The following SORL1 variants were observed in gnomAD, a reference collection of about 807,000 sequenced individuals.
SORL1 encodes sortilin related receptor 1.
Under a neutral mutation model 273.7 loss-of-function variants are expected in SORL1, and 127 were observed. The observed-to-expected ratio is 0.46, with a 90% CI of 0.40 to 0.54. The LOEUF (loss-of-function observed/expected upper bound fraction) is 0.54. SORL1 is among the 20% of genes least tolerant of loss of function. The probability of loss-of-function intolerance (pLI) is 0.00; values close to 1 mark genes in which losing one functional copy is unlikely to be tolerated. For synonymous variants in SORL1, 1,031 were observed against 1,067.4 expected, an observed-to-expected ratio of 0.97 and a Z score of 0.66; for missense variants, 2,494 against 2,846.1, an observed-to-expected ratio of 0.88 and a Z score of 2.81.
intron 22 of SORL1, among the ~76,000 whole-genome samples, chr11:121,569,381 G>A (rs553492875): frequency 1.2e-4 from 19 of 152,320 alleles, no homozygotes; most frequent in Non-Finnish European, 1.8e-4. Flanking sequence ...CCGGTGAGCC[G>A]GGCGGAACAG....
chr11:121,604,299 C>T lies in SORL1; in HGVS notation c.4626C>T (p.Asp1542=), dbSNP rs780332621. 1.3e-5 allele frequency: 21 copies of T among 1,613,636 alleles called. No individual in the cohort carries two copies. Among genetic ancestry groups the T allele is most frequent in the East Asian group, 6.7e-5 (3 of 44,886 alleles). The part of the protein sequence containing the change: ...ERCDGFLDCS[D]ESDEKACSDE... Reference sequence around the variant, plus strand: ...GCGACGGCTTCCTGGACTGCTCGGACGAGAGCGATGAAAAGGCCTGCAGTG... The same window carrying T: ...GCGACGGCTTCCTGGACTGCTCGGATGAGAGCGATGAAAAGGCCTGCAGTG... The change falls in exon 33 of 48, where the codon GAC becomes GAT. Residue 1542 remains aspartate (D), a synonymous_variant. Transcript: ENST00000260197.
intron 43 of SORL1, 128 bp downstream of exon 43, chr11:121,620,045 C>G (rs995098123): frequency 1.1e-5 from 8 of 735,574 alleles, no homozygotes; most frequent in African/African-American, 3.5e-5. Flanking sequence ...CAGGAGGTCT[C>G]TCTCCCATTT....
chr11:121,539,334 C>T (rs1190615700), intron 12 of SORL1, among the ~76,000 whole-genome samples: 1 of 152,204 alleles, frequency 6.6e-6, no homozygotes, highest in Non-Finnish European at 1.5e-5. Context: ...TCCTTTTCGT[C>T]TGAGTGCTCT....
Position 121,558,799 on chromosome 11 carries a change from G to C in SORL1, c.2872G>C (p.Asp958His), listed in dbSNP as rs749007611. The change falls in exon 20 of 48, where the codon GAC becomes CAC. Residue 958 changes from aspartate (D) to histidine (H), a missense_variant. Physicochemically the swap from Asp to His is moderately conservative, Grantham distance 81. This residue lies in a region of SORL1 where 1,609 missense variants were observed against 1,816.4 expected (regional missense o/e 0.89). Coordinates refer to ENST00000260197, the MANE Select transcript of SORL1 (RefSeq NM_003105.6). ...FSGQQRSVILDNLPHPYAIAV... is the reference protein window; with the variant it reads ...FSGQQRSVILHNLPHPYAIAV... ...TGGCCAGCAGCGCTCTGTCATTCTGGACAACCTCCCGCACCCCTATGCCAT... is the reference window on the plus strand; with the variant it reads ...TGGCCAGCAGCGCTCTGTCATTCTGCACAACCTCCCGCACCCCTATGCCAT... 7 of 1,614,014 alleles carry C rather than the reference G, an allele frequency of 4.3e-6. No individual in the cohort carries two copies. The highest frequency in any genetic ancestry group is 5.9e-6 in the Non-Finnish European group (7 of 1,180,026).
intron 11 of SORL1, among the ~76,000 whole-genome samples, chr11:121,526,284 A>G (rs530865359): frequency 1.3e-5 from 2 of 152,042 alleles, no homozygotes; most frequent in Admixed American, 6.5e-5. Context: ...TTTTAGGCCA[A>G]TTGGGTCTAT....
chr11:121,528,451 C>T lies in SORL1; in HGVS notation c.1597-4013C>T, dbSNP rs117999152. On this transcript the variant is annotated intron_variant, in intron 11 of 47. Coordinates refer to ENST00000260197, the MANE Select transcript of SORL1 (RefSeq NM_003105.6). ...TCCAGCCTGGGTGACAGAGCAAGAC[C>T]GGGTCTCAAAAAAATAAAAAAACAG... 2.2e-3 allele frequency among the ~76,000 whole-genome samples: 328 copies of T among 151,910 alleles called. 1 individual carries two copies. The highest frequency in any genetic ancestry group is 5.2e-3 in the Admixed American group (80 of 15,242).
chr11:121,472,268 C>G (rs1301262433), intron 2 of SORL1, among the ~76,000 whole-genome samples: 1 of 152,170 alleles, frequency 6.6e-6, no homozygotes, highest in Non-Finnish European at 1.5e-5. Flanking sequence ...ATATACTGTG[C>G]TATACTGTGT....
chr11:121,628,915 T>C (rs493747), intron 47 of SORL1: 1 of 152,548 alleles, frequency 6.6e-6, no homozygotes, highest in African/African-American at 2.4e-5. Context: ...CTTGTGTGAA[T>C]GGGGCGGCTT....
intron 4 of SORL1, 71 bp downstream of exon 4, chr11:121,488,264 G>A: frequency 6.7e-7 from 1 of 1,492,276 alleles, no homozygotes; most frequent in Non-Finnish European, 9.2e-7. Flanking sequence ...TGGATTGTGT[G>A]TCCTTTGAGT....
chr11:121,577,460 T>C, intron 25 of SORL1, 60 bp downstream of exon 25: 1 of 1,461,734 alleles, frequency 6.8e-7, no homozygotes, highest in South Asian at 1.5e-5. Flanking sequence ...GTTAACATTA[T>C]AGCTTTAAAC....
chr11:121,617,131 T>C (rs543896768), intron 41 of SORL1, among the ~76,000 whole-genome samples: 74 of 152,336 alleles, frequency 4.9e-4, no homozygotes, highest in Non-Finnish European at 8.4e-4. Context: ...TGGCTGCCTT[T>C]AGGGGAAATA....
At chr11:121,526,207 C>T (rs1862121837) in intron 11 of SORL1, among the ~76,000 whole-genome samples, 1 of 151,786 alleles carries the variant, frequency 6.6e-6, no homozygotes, top group African/African-American at 2.4e-5. Flanking sequence ...TATTGAAAAC[C>T]CTTCTCTCTC....
At chr11:121,465,125 C>T (rs1429496068) in intron 1 of SORL1, among the ~76,000 whole-genome samples, 2 of 152,150 alleles carry the variant, frequency 1.3e-5, no homozygotes, top group African/African-American at 2.4e-5. Flanking sequence ...ATTTCCATCG[C>T]TCTGAAATAA....
intron 11 of SORL1, among the ~76,000 whole-genome samples, chr11:121,524,475 C>T (rs1862089316): frequency 6.6e-6 from 1 of 152,194 alleles, no homozygotes; most frequent in African/African-American, 2.4e-5. Flanking sequence ...TAGCAGAAAA[C>T]TAACTTGGGG....
intron 25 of SORL1, among the ~76,000 whole-genome samples, chr11:121,579,538 G>T (rs921322765): frequency 6.6e-6 from 1 of 152,088 alleles, no homozygotes; most frequent in Non-Finnish European, 1.5e-5. Flanking sequence ...GTGTACATCT[G>T]ATTTCTGTGT....
chr11:121,551,116 A>C (rs1862502164), intron 16 of SORL1, among the ~76,000 whole-genome samples: 1 of 152,236 alleles, frequency 6.6e-6, no homozygotes, highest in Non-Finnish European at 1.5e-5. Context: ...ATTTCAGTGT[A>C]CTTTTTATGT....
intron 46 of SORL1, among the ~76,000 whole-genome samples, chr11:121,625,970 T>G (rs1863789707): frequency 6.6e-6 from 1 of 152,200 alleles, no homozygotes; most frequent in Non-Finnish European, 1.5e-5. Context: ...ATGTTCCGTC[T>G]CATAGTGTTT....
rs369639193 is a variant in SORL1 at position 121,473,894 on chromosome 11, C to CA, written c.402+3782dup. 5.0e-3 allele frequency among the ~76,000 whole-genome samples: 687 copies of CA among 137,014 alleles called. 4 individuals are homozygous for CA. The highest frequency in any genetic ancestry group is 8.5e-3 in the African/African-American group (315 of 37,136). 89.9% of individuals were successfully genotyped at this position (137,014 alleles called of 152,430 possible). On this transcript the variant is annotated intron_variant, in intron 2 of 47. Transcript: ENST00000260197. ...TGGGTGACAGAGTGAGACCCTGTCTCAAAAAAAAAAAGAAAAAAAGAAAAG... is the reference window on the plus strand; with the variant it reads ...TGGGTGACAGAGTGAGACCCTGTCTCAAAAAAAAAAAAGAAAAAAAGAAAAG...
At position 121,478,128 on chromosome 11, in the gene SORL1, C is replaced by A; in HGVS notation, c.413C>A (p.Ser138Tyr). The A allele has an allele frequency of 6.2e-7, 1 of 1,612,410 alleles. No homozygotes were observed. The highest frequency in any genetic ancestry group is 1.1e-5 in the South Asian group (1 of 91,036). Reference sequence around the variant, plus strand: ...TTCTCTGTATTCCAGGTGTACGTGTCTTACGACTATGGAAAATCATTCAAG... The same window carrying A: ...TTCTCTGTATTCCAGGTGTACGTGTATTACGACTATGGAAAATCATTCAAG... ...ARPKSSDVYV[S>Y]YDYGKSFKKI... is the part of the protein sequence containing the mutation. The change falls in exon 3 of 48, where the codon TCT becomes TAT. Residue 138 changes from serine to tyrosine, a missense_variant. Physicochemically the swap from Ser to Tyr is moderately radical, Grantham distance 144 (BLOSUM62 -2). Coordinates refer to ENST00000260197, the MANE Select transcript of SORL1 (RefSeq NM_003105.6).
Sources: gnomAD v4.1 joint callset for allele counts (sites outside exome capture counted in the v4.1 genomes callset) on GRCh38, gnomAD v4.1.1 for gene constraint, gnomAD v4.1.1 regional missense constraint, MANE v1.5 for transcripts, NCBI Gene and HGNC (gene_info 2026-07-23, HGNC 2026-07-21) for gene names.